HMCN2: variants seen among roughly 807,000 people sequenced by gnomAD.
HMCN2 encodes the protein hemicentin 2, also known as hemicentin-2.
HMCN2 carries 325 observed loss-of-function variants against 377.5 expected under a neutral mutation model. The observed-to-expected ratio is 0.86, with a 90% confidence interval of 0.79 to 0.94. The LOEUF is 0.94. HMCN2 is among the 40% of genes least tolerant of loss of function. HMCN2 has a pLI of 0.00. For missense variants in HMCN2, 4,543 were observed against 4,725.3 expected (o/e 0.96, Z 1.13); for synonymous variants, 2,007 against 2,046.8 (o/e 0.98, Z 0.53).
At chr9:130,413,710 C>T (rs1843535754) in intron 85 of HMCN2, among the ~76,000 whole-genome samples, 1 of 152,110 alleles carries the variant, frequency 6.6e-6, no homozygotes, top group Admixed American at 6.5e-5. Flanking sequence ...CCTGGAACCA[C>T]CAGTGGGCTC....
At position 130,304,173 on chromosome 9, in the gene HMCN2, A is replaced by G. The variant is rs1247504360; in HGVS notation, c.1544-557A>G. On this transcript the variant is annotated intron_variant, in intron 10 of 97. Coordinates refer to ENST00000683500, the MANE Select transcript of HMCN2 (RefSeq NM_001291815.2). This position sits in a 1 kb window ranked among gnomAD's most constrained non-coding sequence, Gnocchi z 4.3. ...CCAAGAGAAGATCAAAATAACTTGT[A>G]ATCCCTCCATTCTGCCATTTGATTT... Among the ~76,000 whole-genome samples the G allele has an allele frequency of 6.6e-6, 1 of 152,198 alleles. No homozygotes were observed. Among genetic ancestry groups the G allele is most frequent in the Non-Finnish European group, 1.5e-5 (1 of 68,034 alleles).
rs574379879 is a variant in HMCN2, at chr9:130,375,701, C to T, written c.7769C>T (p.Pro2590Leu). The T allele has an allele frequency of 1.5e-5, 15 of 985,932 alleles. No homozygotes were observed. The highest frequency in any genetic ancestry group is 1.4e-4 in the South Asian group (3 of 21,280). The allele number at this position is 985,932 out of a possible 1,614,324, so 61.1% of individuals were successfully genotyped here. A position where few individuals can be genotyped will look rare whatever the true frequency, so the allele number is the denominator to read the frequency against. ...PNITWMKDGA[P>L]FEASRNIQLL... ...ATCACCTGGATGAAGGACGGGGCCC[C>T]GTTTGAGGCCTCCAGGAACATCCAG... The change falls in exon 50 of 98, where the codon CCG becomes CTG. Residue 2590 changes from proline to leucine, a missense_variant. By Grantham distance (98) the Pro-to-Leu change is moderately conservative. This residue lies in a region of HMCN2 where 736 missense variants were observed against 773.2 expected (regional missense o/e 0.95). Transcript: ENST00000683500.
At chr9:130,427,653 G>A (rs1372537112) in intron 92 of HMCN2, 34 bp downstream of exon 92, 37 of 1,539,330 alleles carry the variant, frequency 2.4e-5, no homozygotes, top group Non-Finnish European at 2.8e-5. Flanking sequence ...GAGGAGACGC[G>A]CTCCTCAGAC....
intron 82 of HMCN2, 121 bp from the exon 83 acceptor site, chr9:130,407,450 A>G (rs1843156142): frequency 2.3e-6 from 2 of 886,440 alleles, no homozygotes; most frequent in South Asian, 1.6e-5. Context: ...GATTTGATCA[A>G]CCTTCACCCG....
rs562587380 is a variant in HMCN2, at chr9:130,351,763, C to T, written c.4585+186C>T. On this transcript the variant is annotated intron_variant, in intron 30 of 97. Transcript: ENST00000683500. The surrounding 1 kb of genome is among the most constrained non-coding windows in gnomAD (Gnocchi z 5.4). ...GGGTCAGGGGATAGAGGTTATCTGGCCCAGCATTTTCCAAATCCGTGGTTT... is the reference window on the plus strand; with the variant it reads ...GGGTCAGGGGATAGAGGTTATCTGGTCCAGCATTTTCCAAATCCGTGGTTT... 3.9e-4 allele frequency among the ~76,000 whole-genome samples: 59 copies of T among 152,066 alleles called. No individual in the cohort carries two copies. The highest frequency in any genetic ancestry group is 6.5e-4 in the Admixed American group (10 of 15,288).
In HMCN2 at chr9:130,434,005, T is replaced by C. The variant is rs1844937522; in HGVS notation, c.*312T>C. ...GAGCGGGACAGGGACACAGGGCACC[T>C]GGACGCGCGGGAGAGGGGGCAGACC... On this transcript the variant is annotated 3_prime_UTR_variant, in exon 98 of 98. Transcript: ENST00000683500. 3 of 289,102 alleles carry C rather than the reference T, an allele frequency of 1.0e-5. No individual in the cohort carries two copies. The Admixed American group carries it at 1.6e-4, about 15-fold the overall frequency. The allele number at this position is 289,102 out of a possible 1,614,324, so 17.9% of individuals were successfully genotyped here.
At chr9:130,299,635 C>T (rs1450250062) in intron 8 of HMCN2, among the ~76,000 whole-genome samples, 2 of 145,790 alleles carry the variant, frequency 1.4e-5, no homozygotes, top group Non-Finnish European at 3.0e-5. Context: ...ACTCACCCAT[C>T]CATCTACCCA....
chr9:130,349,223 C>A, intron 28 of HMCN2, 92 bp downstream of exon 28: 3 of 1,208,252 alleles, frequency 2.5e-6, no homozygotes, highest in Non-Finnish European at 2.2e-6. Flanking sequence ...GTAGACTTTG[C>A]CTGCGGAGAG....
At chr9:130,386,639 G>C in intron 61 of HMCN2, 115 bp downstream of exon 61, 3 of 477,988 alleles carry the variant, frequency 6.3e-6, no homozygotes, top group East Asian at 8.1e-5. Context: ...AGTGCTGAAG[G>C]CACAATGACT....
Position 130,363,849 on chromosome 9 carries a change from AAAAG to A in HMCN2, c.6232+861_6233-860del, listed in dbSNP as rs1172095728. ...AAAAAAAAAAAGAAAGAAAGAGAGA[AAAAG>A]AGAGAGAGAGAGAAGGAAGGAAGGA... is the stretch of plus-strand genomic sequence containing the variant. On this transcript the variant is annotated intron_variant, in intron 40 of 97. Coordinates refer to ENST00000683500, the MANE Select transcript of HMCN2 (RefSeq NM_001291815.2). 4.0e-5 allele frequency among the ~76,000 whole-genome samples: 6 copies of A among 150,042 alleles called. No homozygotes were observed. The East Asian group carries it at 1.2e-3, about 29-fold the overall frequency.
intron 22 of HMCN2, among the ~76,000 whole-genome samples, chr9:130,334,409 T>A (rs1838594000): frequency 2.0e-5 from 3 of 152,156 alleles, no homozygotes; most frequent in African/African-American, 7.2e-5. Context: ...CCTCAGCTTG[T>A]CCATCTGTAA....
chr9:130,387,457 T>C (rs890285576), intron 61 of HMCN2, among the ~76,000 whole-genome samples: 12 of 152,186 alleles, frequency 7.9e-5, no homozygotes, highest in African/African-American at 2.2e-4. Context: ...TGGTTGAAAC[T>C]GGGACACGGC....
chr9:130,333,918 C>T (rs906942173), intron 22 of HMCN2, among the ~76,000 whole-genome samples: 53 of 152,272 alleles, frequency 3.5e-4, no homozygotes, highest in African/African-American at 6.5e-4. Context: ...AGAAATAAGA[C>T]GGATGTCCCC....
At position 130,359,325 on chromosome 9, in the gene HMCN2, C is replaced by A; in HGVS notation, c.5684C>A (p.Pro1895His). The change falls in exon 37 of 98, where the codon CCC becomes CAC. Residue 1895 changes from proline to histidine, a missense_variant. Transcript: ENST00000683500. ...TCTCCTTGTCTCCCCCTAGTGCCCC[C>A]CAACATCGAGCCAGGCCCAGTCAAC... ...REVALKVLVPPNIEPGPVNKA... is the reference protein window; with the variant it reads ...REVALKVLVPHNIEPGPVNKA... 7 of 1,303,110 alleles carry A rather than the reference C, an allele frequency of 5.4e-6. No individual in the cohort carries two copies. The highest frequency in any genetic ancestry group is 7.1e-6 in the Non-Finnish European group (7 of 987,956). The allele number at this position is 1,303,110 out of a possible 1,614,324, so 80.7% of individuals were successfully genotyped here.
chr9:130,286,740 G>A (rs1489913065), intron 4 of HMCN2, among the ~76,000 whole-genome samples: 4 of 152,230 alleles, frequency 2.6e-5, no homozygotes, highest in African/African-American at 9.6e-5. Flanking sequence ...GAGGAACACA[G>A]GAGCTCTCAG....
intron 8 of HMCN2, among the ~76,000 whole-genome samples, chr9:130,301,782 G>C (rs782563522): frequency 2.6e-5 from 4 of 152,246 alleles, no homozygotes; most frequent in Non-Finnish European, 5.9e-5. Context: ...TGGCGGGGAT[G>C]GGGAGACGGT....
intron 75 of HMCN2, 35 bp downstream of exon 75, chr9:130,398,742 C>G: frequency 7.8e-7 from 1 of 1,281,648 alleles, no homozygotes; most frequent in East Asian, 5.6e-5. Context: ...CTTCCTGAGA[C>G]GCACAGGGCG....
chr9:130,394,530 G>A lies in HMCN2; in HGVS notation c.10647G>A (p.Glu3549=). Residue 3549 remains glutamate, a synonymous_variant, in exon 69 of 98, where the codon GAG becomes GAA. Coordinates refer to ENST00000683500, the MANE Select transcript of HMCN2 (RefSeq NM_001291815.2). The surrounding 1 kb of genome is among the most constrained non-coding windows in gnomAD (Gnocchi z 5.1). ...ACGGGCAGGCCCTGACCAGGCTGGA[G>A]AACAACAGCAGAGCCACACGGGTGC... The part of the protein sequence containing the change: ...HKDGQALTRL[E]NNSRATRVLR... The A allele has an allele frequency of 7.8e-7, 1 of 1,289,706 alleles. No individual in the cohort carries two copies. Among genetic ancestry groups the A allele is most frequent in the African/African-American group, 1.5e-5 (1 of 66,004 alleles). 79.9% of individuals were successfully genotyped at this position (1,289,706 alleles called of 1,614,324 possible). A position where few individuals can be genotyped will look rare whatever the true frequency, so the allele number is the denominator to read the frequency against.
At chr9:130,366,410 A>G (rs1249841400) in intron 43 of HMCN2, among the ~76,000 whole-genome samples, 1 of 151,016 alleles carries the variant, frequency 6.6e-6, no homozygotes, top group African/African-American at 2.4e-5. Flanking sequence ...CTGAATTCCA[A>G]GTTCAGTGTA....
Sources: gnomAD v4.1 joint callset for allele counts (sites outside exome capture counted in the v4.1 genomes callset) on GRCh38, gnomAD v4.1.1 for gene constraint, gnomAD v4.1.1 regional missense constraint, Gnocchi (gnomAD v3.1) non-coding constraint, MANE v1.5 for transcripts, NCBI Gene and HGNC (gene_info 2026-07-23, HGNC 2026-07-21) for gene names.